Variants in TNFSF4 observed in about 807,000 individuals in gnomAD.
The protein encoded by TNFSF4 is TNF superfamily member 4, also known as tumor necrosis factor ligand superfamily member 4.
Under a neutral mutation model 7.3 loss-of-function variants are expected in TNFSF4, and 4 were observed. That is an observed-to-expected ratio of 0.55 (90% confidence interval 0.27 to 1.25). The LOEUF is 1.25. Among genes scored for constraint, TNFSF4 ranks in the 50% most tolerant of loss-of-function variants. The pLI is 0.12. For synonymous variants in TNFSF4, 76 were observed against 83.7 expected, an observed-to-expected ratio of 0.91 and a Z score of 0.50; for missense variants, 181 against 208.8, an observed-to-expected ratio of 0.87 and a Z score of 0.82.
At chr1:173,288,469 CA>C in the TNFSF4 span, among the ~76,000 whole-genome samples, 1 of 151,946 alleles carries the variant, frequency 6.6e-6, no homozygotes, top group East Asian at 1.9e-4. Flanking sequence ...GCCAAGCAAA[CA>C]GAAAATTAGC....
At chr1:173,239,141 T>C in the TNFSF4 span, among the ~76,000 whole-genome samples, 2 of 152,172 alleles carry the variant, frequency 1.3e-5, no homozygotes, top group Non-Finnish European at 2.9e-5. Context: ...TTCCCTTTCT[T>C]CCTTCTTTCA....
chr1:173,397,431 G>A, the TNFSF4 span, among the ~76,000 whole-genome samples: 1 of 152,132 alleles, frequency 6.6e-6, no homozygotes, highest in Admixed American at 6.5e-5. Context: ...CAGGACTACT[G>A]GACCCTGGCT....
the TNFSF4 span, among the ~76,000 whole-genome samples, chr1:173,308,266 T>TC: frequency 0.026 from 3,082 of 116,818 alleles, 55 homozygotes; most frequent in Admixed American, 0.051. Flanking sequence ...CCTCTCTCTC[T>TC]TTCTCTCTCT....
At chr1:173,228,802 A>C in the TNFSF4 span, among the ~76,000 whole-genome samples, 1 of 152,242 alleles carries the variant, frequency 6.6e-6, no homozygotes, top group East Asian at 1.9e-4. Flanking sequence ...TCAGTAGCTG[A>C]TTCAATCAAC....
the TNFSF4 span, among the ~76,000 whole-genome samples, chr1:173,219,748 C>T: frequency 6.6e-6 from 1 of 151,946 alleles, no homozygotes; most frequent in Non-Finnish European, 1.5e-5. Flanking sequence ...GCATTTGCAG[C>T]AATCTGGATG....
the TNFSF4 span, among the ~76,000 whole-genome samples, chr1:173,271,347 T>C: frequency 6.6e-6 from 1 of 152,134 alleles, no homozygotes; most frequent in East Asian, 1.9e-4. Flanking sequence ...AGGGATCCCG[T>C]TTCAGCTTTC....
At chr1:173,180,730 T>C (rs1389976013), downstream of TNFSF4, among the ~76,000 whole-genome samples, 1 of 152,244 alleles carries the variant, frequency 6.6e-6, no homozygotes, top group Non-Finnish European at 1.5e-5. Context: ...ATAGTATTAA[T>C]TTAAATAATT....
chr1:173,407,051 C>G, the TNFSF4 span, among the ~76,000 whole-genome samples: 1 of 152,020 alleles, frequency 6.6e-6, no homozygotes. Flanking sequence ...CTGCCTCACT[C>G]GGTGCAGACT....
the TNFSF4 span, among the ~76,000 whole-genome samples, chr1:173,177,498 A>G: frequency 6.6e-6 from 1 of 152,134 alleles, no homozygotes; most frequent in South Asian, 2.1e-4. Flanking sequence ...GGGTTCTTAC[A>G]TGGGTGACGA....
At chr1:173,427,201 A>G in the TNFSF4 span, among the ~76,000 whole-genome samples, 1 of 152,210 alleles carries the variant, frequency 6.6e-6, no homozygotes, top group South Asian at 2.1e-4. Flanking sequence ...TTGAAACGTT[A>G]AAGGCTGTGG....
the TNFSF4 span, among the ~76,000 whole-genome samples, chr1:173,396,538 G>A: frequency 6.6e-6 from 1 of 152,088 alleles, no homozygotes; most frequent in African/African-American, 2.4e-5. Flanking sequence ...TTGGGCAAAT[G>A]GTGGAAAGAA....
the TNFSF4 span, among the ~76,000 whole-genome samples, chr1:173,341,427 T>C: frequency 6.6e-6 from 1 of 152,146 alleles, no homozygotes; most frequent in Non-Finnish European, 1.5e-5. Flanking sequence ...ATTTAACAAC[T>C]GTATATAGCA....
At chr1:173,407,388 C>T in the TNFSF4 span, among the ~76,000 whole-genome samples, 6 of 151,620 alleles carry the variant, frequency 4.0e-5, no homozygotes, top group Non-Finnish European at 7.4e-5. Flanking sequence ...GACGAAACCC[C>T]GTCTCCATAA....
At chr1:173,444,586 C>G in the TNFSF4 span, among the ~76,000 whole-genome samples, 5 of 151,794 alleles carry the variant, frequency 3.3e-5, no homozygotes, top group Non-Finnish European at 7.4e-5. Context: ...AAAACATATA[C>G]CTTCATTTTT....
At chr1:173,200,797 A>G (rs1377444630) in intron 1 of TNFSF4, among the ~76,000 whole-genome samples, 1 of 152,164 alleles carries the variant, frequency 6.6e-6, no homozygotes, top group African/African-American at 2.4e-5. Context: ...CCCCACCTGT[A>G]CAATATAGTA....
At chr1:173,225,604 C>A in the TNFSF4 span, among the ~76,000 whole-genome samples, 1 of 152,154 alleles carries the variant, frequency 6.6e-6, no homozygotes, top group Non-Finnish European at 1.5e-5. Flanking sequence ...TTTAAGTATT[C>A]TCTGAATGAA....
chr1:173,187,890 C>T (rs115958358), intron 2 of TNFSF4, among the ~76,000 whole-genome samples: 2,543 of 152,304 alleles, frequency 0.017, 36 homozygotes, highest in Non-Finnish European at 0.027. Flanking sequence ...CCACCGCTAG[C>T]CACAATTCAG....
At position 173,200,119 on chromosome 1, in the gene TNFSF4, C is replaced by T. The variant is rs553643476; in HGVS notation, c.153+6905G>A. Reference sequence around the variant, plus strand: ...TCCTCCAATTTTTCTTCAAAAAACACTAATGCCAAAAAAGAAAATGAATTT... The same window carrying T: ...TCCTCCAATTTTTCTTCAAAAAACATTAATGCCAAAAAAGAAAATGAATTT... On this transcript the variant is annotated intron_variant, in intron 1 of 2. Coordinates refer to ENST00000281834, the MANE Select transcript of TNFSF4 (RefSeq NM_003326.5). Among the ~76,000 whole-genome samples the T allele has an allele frequency of 1.2e-4, 19 of 152,254 alleles. No homozygotes were observed. The East Asian group carries it at 2.3e-3, about 19-fold the overall frequency.
chr1:173,231,931 G>A, the TNFSF4 span, among the ~76,000 whole-genome samples: 12 of 152,116 alleles, frequency 7.9e-5, no homozygotes, highest in Non-Finnish European at 1.3e-4. Flanking sequence ...TTTTGGCTTA[G>A]GATTGACTGG....
Sources: gnomAD v4.1 joint callset for allele counts (sites outside exome capture counted in the v4.1 genomes callset) on GRCh38, gnomAD v4.1.1 for gene constraint, MANE v1.5 for transcripts, NCBI Gene and HGNC (gene_info 2026-07-23, HGNC 2026-07-21) for gene names.